Variants in MYO7A observed in about 807,000 individuals in gnomAD.
The protein encoded by MYO7A is myosin VIIA.
In MYO7A, 210 loss-of-function variants were observed where a neutral mutation model predicts 263.8. The ratio of observed to expected loss-of-function variants is 0.80; its 90% CI spans 0.71 to 0.89. The LOEUF is 0.89. Among genes scored for constraint, MYO7A ranks in the 40% least tolerant of loss-of-function variants. MYO7A has a pLI of 0.00. For synonymous variants in MYO7A, 1,239 were observed against 1,197.3 expected (o/e 1.03, Z -0.72); for missense variants, 2,820 against 2,968.3 (o/e 0.95, Z 1.16).
intron 7 of MYO7A, 86 bp downstream of exon 7, chr11:77,157,090 C>T (rs1205664218): frequency 6.5e-6 from 10 of 1,540,958 alleles, no homozygotes; most frequent in Admixed American, 1.7e-5. Flanking sequence ...TATTGCTGCC[C>T]GTATTGCTCC....
chr11:77,204,365 C>T, intron 39 of MYO7A, 136 bp downstream of exon 39: 2 of 1,230,906 alleles, frequency 1.6e-6, no homozygotes, highest in Non-Finnish European at 2.2e-6. Context: ...GCTCATGGGC[C>T]CCCTCACATC....
chr11:77,130,000 G>A (rs1308919141), intron 1 of MYO7A, among the ~76,000 whole-genome samples: 1 of 152,180 alleles, frequency 6.6e-6, no homozygotes, highest in Non-Finnish European at 1.5e-5. Context: ...CCCAGGTGCG[G>A]TGCATTCAGC....
At chr11:77,172,931 G>A (rs1219675909) in intron 16 of MYO7A, 46 bp downstream of exon 16, 35 of 1,524,222 alleles carry the variant, frequency 2.3e-5, no homozygotes, top group Middle Eastern at 1.7e-4. Context: ...CTAGGGTGAC[G>A]TGGAGGAGCT....
At chr11:77,150,579 T>C (rs535936126) in intron 4 of MYO7A, among the ~76,000 whole-genome samples, 1 of 152,152 alleles carries the variant, frequency 6.6e-6, no homozygotes, top group African/African-American at 2.4e-5. Context: ...CACCATAACC[T>C]TTCTGACTTA....
At chr11:77,193,927 C>T in intron 31 of MYO7A, 1 of 442,612 alleles carries the variant, frequency 2.3e-6, no homozygotes, top group South Asian at 1.6e-5. Context: ...CACAGTGATG[C>T]ACTTCCCTCA....
At position 77,146,128 on chromosome 11, in the gene MYO7A, C is replaced by T. The variant is rs376641449; in HGVS notation, c.133-1670C>T. ...GAGGCTTCAGAAACTGGGAAACCTC[C>T]GAGCCAAGCCTCGAAGGCTAAGGAG... On this transcript the variant is annotated intron_variant, in intron 3 of 48. Coordinates refer to ENST00000409709, the MANE Select transcript of MYO7A (RefSeq NM_000260.4). Among the ~76,000 whole-genome samples the T allele has an allele frequency of 2.6e-4, 39 of 152,296 alleles. No individual in the cohort carries two copies. The South Asian group carries it at 3.5e-3, about 14-fold the overall frequency.
intron 21 of MYO7A, among the ~76,000 whole-genome samples, 162 bp from the exon 22 acceptor site, chr11:77,180,212 C>T (rs963686649): frequency 1.1e-4 from 16 of 152,120 alleles, no homozygotes; most frequent in Non-Finnish European, 2.2e-4. Context: ...AGTGGTGCCT[C>T]CAGCCCGCTG....
At chr11:77,209,787 A>G (rs1257823272) in intron 44 of MYO7A, among the ~76,000 whole-genome samples, 3 of 152,008 alleles carry the variant, frequency 2.0e-5, no homozygotes, top group African/African-American at 4.8e-5. Flanking sequence ...GGTCCTTTCA[A>G]TCCTTTCTCC....
rs115955903 is a variant in MYO7A at position 77,210,242 on chromosome 11, A to G, written c.6052-910A>G. Among the ~76,000 whole-genome samples, 434 of 152,306 alleles carry G rather than the reference A, an allele frequency of 2.8e-3. 4 individuals are homozygous for G. Among genetic ancestry groups the G allele is most frequent in the African/African-American group, 9.6e-3 (399 of 41,564 alleles). ...GTAGGGAGGGTAGGCATTGTTGCTT[A>G]AAGGGCCTGGCTCATAGATGTTCAA... On this transcript the variant is annotated intron_variant, in intron 44 of 48. Transcript: ENST00000409709.
At chr11:77,205,953 G>A in intron 40 of MYO7A, 144 bp from the exon 41 acceptor site, 1 of 716,950 alleles carries the variant, frequency 1.4e-6, no homozygotes, top group Non-Finnish European at 2.4e-6. Flanking sequence ...GGAGCTCAAG[G>A]CTCTGGGAGA....
At chr11:77,179,011 A>T in intron 19 of MYO7A, 34 bp from the exon 20 acceptor site, 1 of 1,553,010 alleles carries the variant, frequency 6.4e-7, no homozygotes, top group South Asian at 1.2e-5. Context: ...CTGCCTCTGG[A>T]CACTGCTCAC....
Position 77,181,396 on chromosome 11 carries a change from T to G in MYO7A, c.2711T>G (p.Leu904Arg). ...ATTGCCCAGGAGCGCCTGGCCCAGCTGGCTCGTGAGGACGCTGAGCGGGAG... is the reference window on the plus strand; with the variant it reads ...ATTGCCCAGGAGCGCCTGGCCCAGCGGGCTCGTGAGGACGCTGAGCGGGAG... ...ERKHQERLAQ[L>R]AREDAERELK... Residue 904 changes from leucine to arginine, a missense_variant, in exon 23 of 49, where the codon CTG (leucine) becomes CGG (arginine). Leu to Arg is a moderately radical substitution (Grantham distance 102). Coordinates refer to ENST00000409709, the MANE Select transcript of MYO7A (RefSeq NM_000260.4). 1.9e-6 allele frequency: 3 copies of G among 1,571,280 alleles called. No homozygotes were observed. The highest frequency in any genetic ancestry group is 2.6e-6 in the Non-Finnish European group (3 of 1,159,190).
intron 9 of MYO7A, 136 bp from the exon 10 acceptor site, chr11:77,159,311 G>T (rs1229967958): frequency 4.2e-6 from 3 of 716,066 alleles, no homozygotes; most frequent in African/African-American, 3.5e-5. Context: ...GAAGCATTTA[G>T]TCACAATGCT....
chr11:77,167,225 G>A (rs937221520), intron 15 of MYO7A, among the ~76,000 whole-genome samples: 4 of 152,154 alleles, frequency 2.6e-5, no homozygotes, highest in Non-Finnish European at 5.9e-5. Flanking sequence ...TGAGTCCTAG[G>A]AGAGGGGCAA....
At chr11:77,147,698 G>A (rs931483661) in intron 3 of MYO7A, 100 bp from the exon 4 acceptor site, 2 of 1,498,726 alleles carry the variant, frequency 1.3e-6, no homozygotes, top group African/African-American at 2.8e-5. Context: ...CCCTTACCCG[G>A]GTTGGCACTC....
At chr11:77,162,661 T>C (rs1953109081) in intron 13 of MYO7A, among the ~76,000 whole-genome samples, 192 bp from the exon 14 acceptor site, 1 of 152,122 alleles carries the variant, frequency 6.6e-6, no homozygotes, top group African/African-American at 2.4e-5. Context: ...GGAATGCACT[T>C]TCAAAGTTGT....
chr11:77,175,178 G>C (rs541314984), intron 17 of MYO7A, among the ~76,000 whole-genome samples, 194 bp from the exon 18 acceptor site: 121 of 152,286 alleles, frequency 7.9e-4, no homozygotes, highest in African/African-American at 2.7e-3. Context: ...TGTGAGAAAG[G>C]GTTTTGCAAT....
At chr11:77,189,493 G>A (rs781923217) in intron 28 of MYO7A, 23 bp downstream of exon 28, 1 of 1,613,402 alleles carries the variant, frequency 6.2e-7, no homozygotes, top group Admixed American at 1.7e-5. Flanking sequence ...CTGGCCTCCT[G>A]GAGTGGGAAG....
intron 21 of MYO7A, 53 bp downstream of exon 21, chr11:77,180,006 T>A: frequency 6.8e-7 from 1 of 1,471,660 alleles, no homozygotes; most frequent in African/African-American, 1.4e-5. Context: ...GCGAGGAGTG[T>A]CCATGCATCA....
Sources: allele counts gnomAD v4.1 joint callset (sites outside exome capture counted in the v4.1 genomes callset), GRCh38; gene constraint gnomAD v4.1.1; transcripts MANE v1.5; gene names NCBI Gene and HGNC (gene_info 2026-07-23, HGNC 2026-07-21).